RARB: variants seen among roughly 807,000 people sequenced by gnomAD.
RARB encodes the protein HBV-activated protein.
A neutral mutation model predicts 51.9 loss-of-function variants in RARB; 17 were observed. That is an observed-to-expected ratio of 0.33 (90% CI 0.22 to 0.49). RARB has a LOEUF of 0.49. Ranked by LOEUF, RARB falls within the 20% of genes least tolerant of loss-of-function variation. RARB has a pLI of 0.99. For synonymous variants in RARB, 215 were observed against 195.4 expected, an observed-to-expected ratio of 1.10 and a Z score of -0.84; for missense variants, 369 against 550.8, an observed-to-expected ratio of 0.67 and a Z score of 3.30.
chr3:24,884,339 G>C (rs887218206), intron 2 of RARB, among the ~76,000 whole-genome samples: 1 of 152,146 alleles, frequency 6.6e-6, no homozygotes, highest in Non-Finnish European at 1.5e-5. Context: ...AAAGCCATTA[G>C]AGAACCTACT....
chr3:25,229,606 T>A (rs898482300), intron 5 of RARB, among the ~76,000 whole-genome samples: 4 of 152,146 alleles, frequency 2.6e-5, no homozygotes, highest in Non-Finnish European at 4.4e-5. Flanking sequence ...AAAGATAAAA[T>A]GATGGAGTGT....
intron 5 of RARB, among the ~76,000 whole-genome samples, chr3:25,268,088 C>G (rs983118879): frequency 4.6e-5 from 7 of 152,066 alleles, no homozygotes; most frequent in Admixed American, 1.3e-4. Context: ...TTATAATCTT[C>G]CCAAACAAAA....
chr3:24,851,660 T>G (rs2125336595), intron 1 of RARB, among the ~76,000 whole-genome samples: 1 of 152,324 alleles, frequency 6.6e-6, no homozygotes, highest in East Asian at 1.9e-4. Context: ...AATTTACATC[T>G]TTTGATGGTA....
chr3:25,001,679 TCTAA>T lies in RARB; in HGVS notation c.-379-58444_-379-58441del, dbSNP rs1454148930. On this transcript the variant is annotated intron_variant, in intron 2 of 11. Coordinates refer to the RARB transcript ENST00000383772. Reference sequence around the variant, plus strand: ...TAAGAAATCAATTCAAAATAGTGTATCTAACATGCGAAATGTTGATAAATATTGT... The same window carrying T: ...TAAGAAATCAATTCAAAATAGTGTATCATGCGAAATGTTGATAAATATTGT... 1.4e-4 allele frequency among the ~76,000 whole-genome samples: 22 copies of T among 152,326 alleles called. No individual in the cohort carries two copies. In the South Asian group the frequency reaches 4.6e-3, roughly 32 times the overall value.
chr3:25,047,542 G>T (rs2125297945), intron 2 of RARB, among the ~76,000 whole-genome samples: 1 of 152,350 alleles, frequency 6.6e-6, no homozygotes, highest in East Asian at 1.9e-4. Context: ...ACACGGTGTT[G>T]CATAGTAACT....
chr3:25,192,450 A>C (rs1002156975), intron 5 of RARB, among the ~76,000 whole-genome samples: 1 of 152,094 alleles, frequency 6.6e-6, no homozygotes, highest in Non-Finnish European at 1.5e-5. Flanking sequence ...TACAGACACT[A>C]TAAGTGAACT....
At chr3:24,915,456 C>T (rs1009296432) in intron 2 of RARB, among the ~76,000 whole-genome samples, 9 of 152,174 alleles carry the variant, frequency 5.9e-5, no homozygotes, top group African/African-American at 2.2e-4. Context: ...TATATTTCCA[C>T]TGCTCAATAG....
intron 2 of RARB, among the ~76,000 whole-genome samples, chr3:25,038,542 T>A (rs1161017607): frequency 6.6e-6 from 1 of 152,134 alleles, no homozygotes; most frequent in Non-Finnish European, 1.5e-5. Context: ...TCTTTGTTGC[T>A]GAAGGAAGGT....
At chr3:25,429,040 G>T in intron 1 of RARB, 152 bp downstream of exon 1, 1 of 1,053,282 alleles carries the variant, frequency 9.5e-7, no homozygotes, top group East Asian at 2.7e-5. Flanking sequence ...CATGCATATT[G>T]ATTCCCTTTG....
At chr3:25,465,245 A>G (rs142566539) in intron 2 of RARB, among the ~76,000 whole-genome samples, 20 of 152,306 alleles carry the variant, frequency 1.3e-4, no homozygotes, top group African/African-American at 2.2e-4. Context: ...ATCCAGAAGC[A>G]ACTTTTCTTC....
intron 5 of RARB, among the ~76,000 whole-genome samples, chr3:25,177,046 G>T (rs1700768971): frequency 6.6e-6 from 1 of 152,292 alleles, no homozygotes; most frequent in East Asian, 1.9e-4. Flanking sequence ...GCAGAAAAAG[G>T]ACTAGGTACA....
chr3:25,494,159 C>T (rs901231980), intron 2 of RARB, among the ~76,000 whole-genome samples: 2 of 151,996 alleles, frequency 1.3e-5, no homozygotes, highest in African/African-American at 2.4e-5. Context: ...CTCTACTGCA[C>T]AGAAGAGTAC....
chr3:25,471,929 G>GC (rs556693337), intron 2 of RARB, among the ~76,000 whole-genome samples: 6 of 152,038 alleles, frequency 3.9e-5, no homozygotes, highest in African/African-American at 7.3e-5. Context: ...TTCTTCATCA[G>GC]CCCCCCTCTA....
At chr3:25,083,352 C>T (rs1699045421) in intron 3 of RARB, among the ~76,000 whole-genome samples, 1 of 152,090 alleles carries the variant, frequency 6.6e-6, no homozygotes, top group Non-Finnish European at 1.5e-5. Context: ...CCATTTTTAG[C>T]ATCGTGCTTG....
chr3:25,309,179 C>G (rs1704225190), intron 5 of RARB, among the ~76,000 whole-genome samples: 1 of 138,898 alleles, frequency 7.2e-6, no homozygotes, highest in South Asian at 2.4e-4. Context: ...TGCTCTGTCA[C>G]CCAGGCTGGA....
chr3:25,583,634 G>A (rs992515620), intron 5 of RARB, among the ~76,000 whole-genome samples: 1 of 152,218 alleles, frequency 6.6e-6, no homozygotes, highest in African/African-American at 2.4e-5. Context: ...GGCAGATGGG[G>A]ATGGAAGGCC....
rs528426762 is a variant in RARB, at chr3:24,903,603, C to T, written c.-380+44851C>T. Among the ~76,000 whole-genome samples the T allele has an allele frequency of 1.8e-4, 27 of 152,190 alleles. 1 individual carries two copies. The highest frequency in any genetic ancestry group is 2.6e-4 in the African/African-American group (11 of 41,554). On this transcript the variant is annotated intron_variant, in intron 2 of 11. Transcript: ENST00000383772. ...TCCATCAAATGTGGTTTAGGAATTA[C>T]GCAAACAACACATTCAGACTTTTAT...
In RARB at chr3:25,131,685, C is replaced by T. The variant is rs73049941; in HGVS notation, c.-327-476C>T. ...ATTCACCATAGGAAATATATCAAGG[C>T]GGAGAGAGAGTGAAGCCATTTGCCA... On this transcript the variant is annotated intron_variant, in intron 3 of 11. Transcript: ENST00000383772. Among the ~76,000 whole-genome samples the T allele has an allele frequency of 5.7e-3, 867 of 151,902 alleles. 3 individuals are homozygous for T. Among genetic ancestry groups the T allele is most frequent in the Middle Eastern group, 0.024 (7 of 294 alleles).
rs367663968 is a variant in RARB, at chr3:25,283,855, G to A, written c.178+109280G>A. ...GGCATTTGGATGAGTGGGGCAGGCA[G>A]CCTTCTCTAGTAGCGCTCAGTGATC... On this transcript the variant is annotated intron_variant, in intron 5 of 11. Coordinates refer to the RARB transcript ENST00000383772. Among the ~76,000 whole-genome samples the A allele has an allele frequency of 1.1e-4, 17 of 152,276 alleles. No homozygotes were observed. In the East Asian group the frequency reaches 2.9e-3, roughly 26 times the overall value.
Sources: allele counts gnomAD v4.1 joint callset (sites outside exome capture counted in the v4.1 genomes callset), GRCh38; gene constraint gnomAD v4.1.1; transcripts MANE v1.5; gene names NCBI Gene and HGNC (gene_info 2026-07-23, HGNC 2026-07-21).